Variants in ELOVL5 observed in about 807,000 individuals in gnomAD.
ELOVL5 encodes very long chain fatty acid elongase 5.
ELOVL5 carries 8 observed loss-of-function variants against 38.6 expected under a neutral mutation model. That is an observed-to-expected ratio of 0.21 (90% confidence interval 0.12 to 0.37). The LOEUF (loss-of-function observed/expected upper bound fraction) is 0.37. Among genes scored for constraint, ELOVL5 ranks in the 10% least tolerant of loss-of-function variants. The probability of loss-of-function intolerance (pLI) is 1.00; values close to 1 mark genes in which losing one functional copy is unlikely to be tolerated. For synonymous variants in ELOVL5, 127 were observed against 133.7 expected (o/e 0.95, Z 0.34); for missense variants, 280 against 367.8 (o/e 0.76, Z 1.95).
intron 1 of ELOVL5, among the ~76,000 whole-genome samples, chr6:53,313,592 G>A (rs1331750366): frequency 3.3e-5 from 5 of 152,062 alleles, no homozygotes; most frequent in Non-Finnish European, 7.4e-5. Flanking sequence ...GAACTCCTGG[G>A]CTCAAGCAAT....
At chr6:53,335,261 A>T (rs988237014) in intron 1 of ELOVL5, among the ~76,000 whole-genome samples, 2 of 152,156 alleles carry the variant, frequency 1.3e-5, no homozygotes, top group African/African-American at 4.8e-5. Context: ...TCACCTCCAG[A>T]AACCAGTCAA....
At chr6:53,317,750 A>G (rs1768114547) in intron 1 of ELOVL5, among the ~76,000 whole-genome samples, 2 of 151,932 alleles carry the variant, frequency 1.3e-5, no homozygotes, top group South Asian at 4.2e-4. Flanking sequence ...CATATGTAAC[A>G]AGCCTGCACA....
intron 1 of ELOVL5, among the ~76,000 whole-genome samples, chr6:53,334,013 G>A (rs974542380): frequency 6.6e-6 from 1 of 151,918 alleles, no homozygotes; most frequent in African/African-American, 2.4e-5. Context: ...GTCTATAGTG[G>A]CTCTGAAATT....
intron 1 of ELOVL5, among the ~76,000 whole-genome samples, chr6:53,305,703 G>C (rs1767504067): frequency 6.7e-6 from 1 of 149,608 alleles, no homozygotes; most frequent in Non-Finnish European, 1.5e-5. Flanking sequence ...GGGCAGAGAC[G>C]CTCCTCACTT....
intron 1 of ELOVL5, among the ~76,000 whole-genome samples, chr6:53,333,992 A>C (rs1768924195): frequency 6.6e-6 from 1 of 152,066 alleles, no homozygotes; most frequent in Non-Finnish European, 1.5e-5. Flanking sequence ...ACAATCTCTA[A>C]TGTCAATATG....
At chr6:53,300,282 C>A (rs1767198654) in intron 1 of ELOVL5, among the ~76,000 whole-genome samples, 1 of 152,124 alleles carries the variant, frequency 6.6e-6, no homozygotes, top group African/African-American at 2.4e-5. Flanking sequence ...CAAGGCAGCC[C>A]CATAACTAGT....
At chr6:53,279,255 T>C (rs1359310572) in intron 3 of ELOVL5, among the ~76,000 whole-genome samples, 3 of 152,228 alleles carry the variant, frequency 2.0e-5, no homozygotes, top group African/African-American at 7.2e-5. Context: ...ACCACTGTTT[T>C]ATTCTTTTCA....
intron 1 of ELOVL5, among the ~76,000 whole-genome samples, chr6:53,319,739 C>T (rs185114267): frequency 6.6e-6 from 1 of 152,344 alleles, no homozygotes; most frequent in Admixed American, 6.5e-5. Context: ...ATTTAGTTCA[C>T]TGCACTGTGC....
intron 1 of ELOVL5, among the ~76,000 whole-genome samples, chr6:53,304,634 G>A (rs574317683): frequency 1.2e-4 from 19 of 152,044 alleles, no homozygotes; most frequent in Non-Finnish European, 2.6e-4. Flanking sequence ...GACTCTCAAC[G>A]AGCATGCTGC....
intron 1 of ELOVL5, among the ~76,000 whole-genome samples, chr6:53,301,476 G>A (rs1767245790): frequency 6.6e-6 from 1 of 152,116 alleles, no homozygotes; most frequent in African/African-American, 2.4e-5. Flanking sequence ...GGCTGGGAGT[G>A]GCCAGCACTT....
At chr6:53,298,768 G>A (rs1227038950) in intron 1 of ELOVL5, among the ~76,000 whole-genome samples, 1 of 151,960 alleles carries the variant, frequency 6.6e-6, no homozygotes, top group Non-Finnish European at 1.5e-5. Flanking sequence ...GTGCATTGTG[G>A]ATCATTAATT....
chr6:53,335,120 T>C (rs1162561072), intron 1 of ELOVL5, among the ~76,000 whole-genome samples: 3 of 152,188 alleles, frequency 2.0e-5, no homozygotes, highest in Admixed American at 6.5e-5. Flanking sequence ...CTTCTCTTGA[T>C]CCCCAAAGCC....
At chr6:53,318,715 G>A (rs1417731390) in intron 1 of ELOVL5, among the ~76,000 whole-genome samples, 1 of 151,814 alleles carries the variant, frequency 6.6e-6, no homozygotes, top group East Asian at 1.9e-4. Context: ...ACTCCAGCCT[G>A]GGCAAAAAAT....
intron 3 of ELOVL5, among the ~76,000 whole-genome samples, chr6:53,286,271 A>G (rs770331474): frequency 3.3e-5 from 5 of 152,172 alleles, no homozygotes; most frequent in Non-Finnish European, 7.4e-5. Flanking sequence ...AACTTGCATA[A>G]ACCCACATAG....
chr6:53,342,022 A>G (rs972284809), intron 1 of ELOVL5, among the ~76,000 whole-genome samples: 10 of 152,228 alleles, frequency 6.6e-5, no homozygotes, highest in African/African-American at 2.4e-4. Flanking sequence ...TGCCAACCCA[A>G]TCTGCTTCCC....
chr6:53,329,142 T>C (rs934101431), intron 1 of ELOVL5, among the ~76,000 whole-genome samples: 17 of 152,234 alleles, frequency 1.1e-4, no homozygotes, highest in African/African-American at 3.9e-4. Flanking sequence ...CTAAGTAGTA[T>C]ATAAAGTACT....
chr6:53,328,548 T>C (rs946849091), intron 1 of ELOVL5, among the ~76,000 whole-genome samples: 18 of 152,338 alleles, frequency 1.2e-4, no homozygotes, highest in African/African-American at 4.3e-4. Context: ...GTTAAATGGT[T>C]ACATAAAACA....
chr6:53,331,078 C>T (rs1768781375), intron 1 of ELOVL5, among the ~76,000 whole-genome samples: 1 of 152,156 alleles, frequency 6.6e-6, no homozygotes, highest in African/African-American at 2.4e-5. Context: ...GCCTGTAATA[C>T]CAACATTTTG....
Position 53,275,163 on chromosome 6 carries a change from G to A in ELOVL5, c.423C>T (p.Val141=). 1.2e-6 allele frequency: 2 copies of A among 1,614,172 alleles called. No homozygotes were observed. Among genetic ancestry groups the A allele is most frequent in the Non-Finnish European group, 1.7e-6 (2 of 1,180,026 alleles). ...TCGAGGCATGGTGGTAGACGTGCAG[G>A]ACCGTGATCTGGTGGTTGTTCTTGC... ...ILRKNNHQIT[V]LHVYHHASML... The change falls in exon 5 of 8, where the codon GTC becomes GTT. Residue 141 remains valine, a synonymous_variant. Coordinates refer to ENST00000304434, the MANE Select transcript of ELOVL5 (RefSeq NM_021814.5).
Sources: allele counts gnomAD v4.1 joint callset (sites outside exome capture counted in the v4.1 genomes callset), GRCh38; gene constraint gnomAD v4.1.1; transcripts MANE v1.5; gene names NCBI Gene and HGNC (gene_info 2026-07-23, HGNC 2026-07-21).